COL4A1: variants seen among roughly 807,000 people sequenced by gnomAD.
COL4A1 encodes collagen type IV alpha 1 chain.
A neutral mutation model predicts 216.6 loss-of-function variants in COL4A1; 40 were observed. That is an observed-to-expected ratio of 0.18 (90% confidence interval 0.14 to 0.24). The LOEUF (loss-of-function observed/expected upper bound fraction) is 0.24, where lower values mean the gene tolerates loss of function less well. Ranked by LOEUF, COL4A1 falls within the 10% of genes least tolerant of loss-of-function variation. COL4A1 has a pLI of 1.00. For synonymous variants in COL4A1, 839 were observed against 810.7 expected, an observed-to-expected ratio of 1.03 and a Z score of -0.59; for missense variants, 1,628 against 2,196.8, an observed-to-expected ratio of 0.74 and a Z score of 5.18.
intron 1 of COL4A1, among the ~76,000 whole-genome samples, chr13:110,272,540 AT>A (rs1301675393): frequency 6.6e-6 from 1 of 151,598 alleles, no homozygotes; most frequent in East Asian, 1.9e-4. Context: ...CTGAATTCTC[AT>A]TTCTTCCATC....
chr13:110,228,009 C>T lies in COL4A1; in HGVS notation c.145-13994G>A, dbSNP rs564590893. Among the ~76,000 whole-genome samples, 251 of 152,284 alleles carry T rather than the reference C, an allele frequency of 1.6e-3. 3 individuals are homozygous for T. The Middle Eastern group carries it at 0.017, about 10-fold the overall frequency. ...TCGCTGCACACACAGTCCTCAGGTG[C>T]CCATTTGAACGTCACCCTCGCTGGG... On this transcript the variant is annotated intron_variant, in intron 2 of 51. Coordinates refer to ENST00000375820, the MANE Select transcript of COL4A1 (RefSeq NM_001845.6).
intron 2 of COL4A1, among the ~76,000 whole-genome samples, chr13:110,235,782 GGAGAA>G (rs1014984567): frequency 6.6e-6 from 1 of 151,988 alleles, no homozygotes; most frequent in Non-Finnish European, 1.5e-5. Flanking sequence ...AGGAATAACA[GGAGAA>G]GAGCCAGTCC....
chr13:110,184,176 CA>C (rs1278312221), intron 26 of COL4A1, among the ~76,000 whole-genome samples: 4 of 152,148 alleles, frequency 2.6e-5, no homozygotes, highest in African/African-American at 9.7e-5. Flanking sequence ...TCTGGATGGC[CA>C]AGGAGCCCTA....
chr13:110,219,086 C>T (rs528262352), intron 2 of COL4A1, among the ~76,000 whole-genome samples: 47 of 152,266 alleles, frequency 3.1e-4, no homozygotes, highest in African/African-American at 1.1e-3. Context: ...CGGTGGGTGC[C>T]GCGGGGTCAT....
In COL4A1 at chr13:110,160,258, A is replaced by T. The variant is rs546441681; in HGVS notation, c.4640+934T>A. Among the ~76,000 whole-genome samples, 15 of 124,420 alleles carry T rather than the reference A, an allele frequency of 1.2e-4. 1 individual carries two copies. Among genetic ancestry groups the T allele is most frequent in the African/African-American group, 5.1e-4 (15 of 29,440 alleles). The allele number at this position is 124,420 out of a possible 152,430, so 81.6% of individuals were successfully genotyped here. A position where few individuals can be genotyped will look rare whatever the true frequency, so the allele number is the denominator to read the frequency against. ...GAGATCGAGACCATCCTGGCTAACA[A>T]GGTGAAACCCCGTCTCTACTAAAAA... On this transcript the variant is annotated intron_variant, in intron 49 of 51. Coordinates refer to ENST00000375820, the MANE Select transcript of COL4A1 (RefSeq NM_001845.6).
At chr13:110,219,985 T>TATATATA in intron 2 of COL4A1, among the ~76,000 whole-genome samples, 1 of 147,902 alleles carries the variant, frequency 6.8e-6, no homozygotes, top group African/African-American at 2.5e-5. Context: ...TATATATATA[T>TATATATA]TTGAGGCAGG....
chr13:110,219,894 A>G (rs1031615056), intron 2 of COL4A1, among the ~76,000 whole-genome samples: 2 of 135,578 alleles, frequency 1.5e-5, no homozygotes, highest in East Asian at 2.1e-4. Context: ...ATATGTGTGT[A>G]TATATATGTA....
chr13:110,166,089 A>G (rs1433009363), intron 45 of COL4A1, 143 bp downstream of exon 45: 2 of 739,068 alleles, frequency 2.7e-6, no homozygotes, highest in African/African-American at 1.7e-5. Context: ...GACTTGCTGC[A>G]AAGAATTCCC....
At chr13:110,250,606 G>C (rs1259748625) in intron 1 of COL4A1, among the ~76,000 whole-genome samples, 3 of 152,160 alleles carry the variant, frequency 2.0e-5, no homozygotes, top group African/African-American at 4.8e-5. Flanking sequence ...ATTGGTCTTT[G>C]TCCAGCTGCA....
At chr13:110,163,403 G>T (rs1199646583) in intron 47 of COL4A1, 60 bp downstream of exon 47, 4 of 1,471,904 alleles carry the variant, frequency 2.7e-6, no homozygotes. Context: ...GCCTGGTTCT[G>T]CTCCTTCTAT....
At chr13:110,264,026 G>T (rs548094041) in intron 1 of COL4A1, among the ~76,000 whole-genome samples, 84 of 152,286 alleles carry the variant, frequency 5.5e-4, no homozygotes, top group African/African-American at 2.0e-3. Flanking sequence ...CGCACTGCTT[G>T]GCAGGAGAGG....
intron 2 of COL4A1, among the ~76,000 whole-genome samples, chr13:110,236,532 T>C (rs998988086): frequency 1.3e-5 from 2 of 152,188 alleles, no homozygotes; most frequent in African/African-American, 4.8e-5. Context: ...AAGATGCCTC[T>C]TCCAGATGTG....
At chr13:110,170,476 T>C in intron 42 of COL4A1, 71 bp downstream of exon 42, 1 of 1,481,036 alleles carries the variant, frequency 6.8e-7, no homozygotes, top group Non-Finnish European at 9.2e-7. Flanking sequence ...TTTAACTATT[T>C]CTTTTACGCT....
intron 1 of COL4A1, among the ~76,000 whole-genome samples, chr13:110,262,120 T>G (rs1882852675): frequency 6.6e-6 from 1 of 152,136 alleles, no homozygotes; most frequent in Non-Finnish European, 1.5e-5. Flanking sequence ...AGGACCAGTG[T>G]TTTTGAGTAC....
At chr13:110,230,579 G>A (rs1042397897) in intron 2 of COL4A1, among the ~76,000 whole-genome samples, 17 of 152,008 alleles carry the variant, frequency 1.1e-4, no homozygotes, top group African/African-American at 3.9e-4. Flanking sequence ...CTAAGACCAC[G>A]GGGAGCCTCC....
chr13:110,254,456 A>G (rs1489887820), intron 1 of COL4A1, among the ~76,000 whole-genome samples: 2 of 152,296 alleles, frequency 1.3e-5, no homozygotes, highest in East Asian at 3.9e-4. Context: ...AGCAGCGCCC[A>G]TGTTCTATTT....
chr13:110,262,728 T>C (rs1036390488), intron 1 of COL4A1, among the ~76,000 whole-genome samples: 4 of 152,254 alleles, frequency 2.6e-5, no homozygotes, highest in Admixed American at 6.5e-5. Flanking sequence ...CTCCTGATTC[T>C]GCTGCACTGA....
intron 11 of COL4A1, 93 bp downstream of exon 11, chr13:110,209,299 T>TTA: frequency 4.3e-6 from 5 of 1,169,664 alleles, no homozygotes; most frequent in Non-Finnish European, 5.0e-6. Flanking sequence ...CAACTTTTTT[T>TTA]TAGAGACTGA....
At chr13:110,219,842 A>ATATGTATATATATG (rs1594594328) in intron 2 of COL4A1, among the ~76,000 whole-genome samples, 1 of 54,820 alleles carries the variant, frequency 1.8e-5, no homozygotes, top group African/African-American at 5.8e-5. Context: ...GTATGTATAT[A>ATATGTATATATATG]TGTGTATATA....
Sources: gnomAD v4.1 joint callset for allele counts (sites outside exome capture counted in the v4.1 genomes callset) on GRCh38, gnomAD v4.1.1 for gene constraint, MANE v1.5 for transcripts, NCBI Gene and HGNC (gene_info 2026-07-23, HGNC 2026-07-21) for gene names.